The following ELAVL2 variants were observed in gnomAD, a reference collection of about 807,000 sequenced individuals.
ELAVL2 encodes the protein ELAV-like protein 2.
A neutral mutation model predicts 34.6 loss-of-function variants in ELAVL2; 4 were observed. That is an observed-to-expected ratio of 0.12 (90% CI 0.06 to 0.26). The LOEUF is 0.26. Among genes scored for constraint, ELAVL2 ranks in the 10% least tolerant of loss-of-function variants. The pLI is 1.00. For synonymous variants in ELAVL2, 193 were observed against 154.8 expected (o/e 1.25, Z -1.83); for missense variants, 432 against 442.8 (o/e 0.98, Z 0.22).
In ELAVL2 at chr9:23,727,900, A is replaced by G. The variant is rs145678466; in HGVS notation, c.333+3122T>C. On this transcript the variant is annotated intron_variant, in intron 3 of 6. Coordinates refer to ENST00000397312, the MANE Select transcript of ELAVL2 (RefSeq NM_004432.5). Reference sequence around the variant, plus strand: ...AACCACCTTTCACAGCACTTGATTCACTGTTTCAATATCCCAATAACCAGG... The same window carrying G: ...AACCACCTTTCACAGCACTTGATTCGCTGTTTCAATATCCCAATAACCAGG... 2.0e-4 allele frequency among the ~76,000 whole-genome samples: 31 copies of G among 152,196 alleles called. No individual in the cohort carries two copies. The East Asian group carries it at 4.8e-3, about 24-fold the overall frequency.
At chr9:23,717,420 A>T (rs1210648513) in intron 3 of ELAVL2, among the ~76,000 whole-genome samples, 2 of 152,204 alleles carry the variant, frequency 1.3e-5, no homozygotes, top group Non-Finnish European at 2.9e-5. Flanking sequence ...GGATAAATGT[A>T]AAGTACAGGG....
chr9:23,709,417 T>C (rs1243898745), intron 3 of ELAVL2, among the ~76,000 whole-genome samples: 3 of 152,012 alleles, frequency 2.0e-5, no homozygotes, highest in Non-Finnish European at 2.9e-5. Context: ...CTAAATTTTG[T>C]ATCTGACCAT....
intron 2 of ELAVL2, among the ~76,000 whole-genome samples, chr9:23,754,436 T>C (rs1296209719): frequency 6.6e-6 from 1 of 152,034 alleles, no homozygotes; most frequent in African/African-American, 2.4e-5. Flanking sequence ...TATTCCACTT[T>C]GGCATTAAGT....
At chr9:23,752,708 G>C (rs1211259130) in intron 2 of ELAVL2, among the ~76,000 whole-genome samples, 2 of 152,064 alleles carry the variant, frequency 1.3e-5, no homozygotes, top group Non-Finnish European at 2.9e-5. Flanking sequence ...GCCCACCTTG[G>C]CCTCCCAAAG....
In ELAVL2 at chr9:23,692,972, C is replaced by T. The variant is rs150741716; in HGVS notation, c.753-88G>A. 159 of 1,251,668 alleles carry T rather than the reference C, an allele frequency of 1.3e-4. 1 individual carries two copies. In the African/African-American group the frequency reaches 1.9e-3, roughly 15 times the overall value. 77.5% of individuals were successfully genotyped at this position (1,251,668 alleles called of 1,614,324 possible). A position where few individuals can be genotyped will look rare whatever the true frequency, so the allele number is the denominator to read the frequency against. ...GCAATGAACGTATACCTTTTCCATC[C>T]CCAAGAATTTTAGTAACTCTCCTCC... On this transcript the variant is annotated intron_variant, in intron 6 of 6. Transcript: ENST00000397312.
chr9:23,769,843 C>T (rs2056980578), intron 1 of ELAVL2, among the ~76,000 whole-genome samples: 1 of 152,182 alleles, frequency 6.6e-6, no homozygotes, highest in Non-Finnish European at 1.5e-5. Context: ...ACACAGTCTC[C>T]TTCATGCCAG....
chr9:23,782,700 C>T (rs2059224172), intron 1 of ELAVL2, among the ~76,000 whole-genome samples: 1 of 152,214 alleles, frequency 6.6e-6, no homozygotes, highest in Non-Finnish European at 1.5e-5. Context: ...CGTTCCATCC[C>T]ATACCAAGAA....
intron 1 of ELAVL2, among the ~76,000 whole-genome samples, chr9:23,779,638 C>G (rs937890631): frequency 5.9e-5 from 9 of 152,006 alleles, no homozygotes; most frequent in Non-Finnish European, 1.2e-4. Flanking sequence ...GTAATCAACT[C>G]ACCATTCTTT....
At chr9:23,750,502 A>G (rs1253004697) in intron 2 of ELAVL2, among the ~76,000 whole-genome samples, 1 of 152,200 alleles carries the variant, frequency 6.6e-6, no homozygotes, top group Non-Finnish European at 1.5e-5. Flanking sequence ...ATCCCAAATC[A>G]TTCTACTTGA....
At chr9:23,850,203 C>G in the ELAVL2 span, among the ~76,000 whole-genome samples, 1 of 151,780 alleles carries the variant, frequency 6.6e-6, no homozygotes, top group African/African-American at 2.4e-5. Flanking sequence ...CGCCTTTTGA[C>G]CGTGGACTGG....
intron 1 of ELAVL2, among the ~76,000 whole-genome samples, chr9:23,778,358 T>A (rs2058551974): frequency 6.6e-6 from 1 of 152,168 alleles, no homozygotes; most frequent in South Asian, 2.1e-4. Flanking sequence ...TTCTCCAACG[T>A]CCTTAAAAAC....
In ELAVL2 at chr9:23,826,012, G is replaced by C. The variant is rs975371355; in HGVS notation, c.-222C>G. 3.9e-5 allele frequency: 6 copies of C among 152,136 alleles called. No homozygotes were observed. The highest frequency in any genetic ancestry group is 1.4e-4 in the African/African-American group (6 of 41,422). 9.4% of individuals were successfully genotyped at this position (152,136 alleles called of 1,614,324 possible). On this transcript the variant is annotated 5_prime_UTR_variant, in exon 1 of 7. Coordinates refer to ENST00000397312, the MANE Select transcript of ELAVL2 (RefSeq NM_004432.5). ...AAATGGCGAAAAAAAATATGAAAGG[G>C]GAGGGGAAACTTAAAAAAGAGTTTA...
intron 1 of ELAVL2, among the ~76,000 whole-genome samples, chr9:23,782,425 A>G (rs1018430047): frequency 6.6e-6 from 1 of 152,104 alleles, no homozygotes; most frequent in Non-Finnish European, 1.5e-5. Context: ...AAAAAAAATT[A>G]CAGGCGTGTG....
intron 3 of ELAVL2, among the ~76,000 whole-genome samples, chr9:23,720,488 T>TA (rs1441422781): frequency 6.6e-6 from 1 of 152,156 alleles, no homozygotes; most frequent in African/African-American, 2.4e-5. Context: ...TTTAAATGGA[T>TA]AGGCCCTAAA....
intron 2 of ELAVL2, among the ~76,000 whole-genome samples, chr9:23,738,658 C>T (rs894691270): frequency 3.3e-5 from 5 of 152,018 alleles, no homozygotes; most frequent in Non-Finnish European, 7.4e-5. Flanking sequence ...ACTGAAAGGC[C>T]CCAAAGTTTC....
rs550990868 is a variant in ELAVL2, at chr9:23,701,639, G to T, written c.488-35C>A. 6.3e-6 allele frequency: 10 copies of T among 1,599,086 alleles called. No individual in the cohort carries two copies. In the Admixed American group the frequency reaches 1.0e-4, roughly 16 times the overall value. ...ATTTGAGTAAAGATTTGGAAAAGAGGGAACAGAAGGAGAAGGGAAGGAGAG... is the reference window on the plus strand; with the variant it reads ...ATTTGAGTAAAGATTTGGAAAAGAGTGAACAGAAGGAGAAGGGAAGGAGAG... On this transcript the variant is annotated intron_variant, in intron 4 of 6. Coordinates refer to ENST00000397312, the MANE Select transcript of ELAVL2 (RefSeq NM_004432.5).
intron 5 of ELAVL2, among the ~76,000 whole-genome samples, chr9:23,696,910 A>G (rs1161253136): frequency 6.6e-6 from 1 of 151,676 alleles, no homozygotes; most frequent in African/African-American, 2.4e-5. Flanking sequence ...TCCATTAAAT[A>G]TATATTTAAA....
At chr9:23,704,330 G>T (rs2038573308) in intron 4 of ELAVL2, among the ~76,000 whole-genome samples, 1 of 152,098 alleles carries the variant, frequency 6.6e-6, no homozygotes, top group Admixed American at 6.6e-5. Flanking sequence ...AGATTTGGCA[G>T]AACAACTCCC....
chr9:23,700,531 G>A (rs1045705319), intron 5 of ELAVL2, among the ~76,000 whole-genome samples: 1 of 152,190 alleles, frequency 6.6e-6, no homozygotes, highest in African/African-American at 2.4e-5. Flanking sequence ...CTACAGAGAG[G>A]TCAGTAAATT....
Sources: allele counts gnomAD v4.1 joint callset (sites outside exome capture counted in the v4.1 genomes callset), GRCh38; gene constraint gnomAD v4.1.1; transcripts MANE v1.5; gene names NCBI Gene and HGNC (gene_info 2026-07-23, HGNC 2026-07-21).